MLXIP: variants seen among roughly 807,000 people sequenced by gnomAD.
MLXIP encodes the protein MLX interacting protein, also known as MLX-interacting protein.
Under a neutral mutation model 87.2 loss-of-function variants are expected in MLXIP, and 30 were observed. That is an observed-to-expected ratio of 0.34 (90% CI 0.26 to 0.47). The LOEUF (loss-of-function observed/expected upper bound fraction) is 0.47. Among genes scored for constraint, MLXIP ranks in the 20% least tolerant of loss-of-function variants. The pLI, the probability that MLXIP is intolerant of heterozygous loss-of-function variation, is 1.00. For synonymous variants in MLXIP, 530 were observed against 514.0 expected (o/e 1.03, Z -0.42); for missense variants, 1,002 against 1,240.1 (o/e 0.81, Z 2.88).
intron 8 of MLXIP, chr12:122,132,843 A>T (rs549436470): frequency 1.1e-3 from 193 of 172,588 alleles, no homozygotes; most frequent in African/African-American, 4.4e-3. Flanking sequence ...GACCAGTTAG[A>T]CACTGGTAAC....
chr12:122,104,585 T>C (rs1205442722), intron 1 of MLXIP, among the ~76,000 whole-genome samples: 1 of 143,274 alleles, frequency 7.0e-6, no homozygotes, highest in Non-Finnish European at 1.5e-5. Flanking sequence ...CTTTTTTTTT[T>C]TTTTTTTTTT....
intron 1 of MLXIP, among the ~76,000 whole-genome samples, chr12:122,121,010 GTT>G (rs1233404015): frequency 9.8e-5 from 11 of 111,906 alleles, no homozygotes; most frequent in African/African-American, 2.2e-4. Flanking sequence ...TGCATGCTTG[GTT>G]TTTTTTTTTT....
chr12:122,096,968 A>C (rs1161073689), intron 1 of MLXIP, among the ~76,000 whole-genome samples: 1 of 152,216 alleles, frequency 6.6e-6, no homozygotes, highest in Non-Finnish European at 1.5e-5. Context: ...TGGAAGGAAG[A>C]GCTGACTCAA....
chr12:122,123,113 C>T (rs1281771604), intron 1 of MLXIP, among the ~76,000 whole-genome samples: 3 of 152,180 alleles, frequency 2.0e-5, no homozygotes, highest in Admixed American at 6.5e-5. Flanking sequence ...AGCCTAACAG[C>T]TCTGCCAGGC....
chr12:122,116,013 T>C (rs1952684800), intron 1 of MLXIP, among the ~76,000 whole-genome samples: 1 of 151,568 alleles, frequency 6.6e-6, no homozygotes, highest in South Asian at 2.1e-4. Context: ...ATCATGCTGC[T>C]GCAATCCAGC....
intron 9 of MLXIP, chr12:122,134,912 G>C (rs1171378213): frequency 2.8e-6 from 1 of 358,700 alleles, no homozygotes; most frequent in East Asian, 7.3e-5. Flanking sequence ...GACCTCTGGT[G>C]ATCCACCTGC....
intron 7 of MLXIP, among the ~76,000 whole-genome samples, chr12:122,131,845 G>T (rs915491723): frequency 2.0e-5 from 3 of 149,434 alleles, no homozygotes; most frequent in African/African-American, 7.4e-5. Flanking sequence ...CGATCCTTCC[G>T]CTTCAGCCTC....
chr12:122,103,212 T>C (rs1367880769), intron 1 of MLXIP, among the ~76,000 whole-genome samples: 1 of 47,030 alleles, frequency 2.1e-5, no homozygotes, highest in South Asian at 6.5e-4. Flanking sequence ...TTTATTTATT[T>C]ATTTATTTAT....
chr12:122,101,201 T>G (rs1377854883), intron 1 of MLXIP, among the ~76,000 whole-genome samples: 2 of 152,210 alleles, frequency 1.3e-5, no homozygotes, highest in Non-Finnish European at 2.9e-5. Context: ...GTTCTTTTCC[T>G]TCCTCCTCCC....
intron 1 of MLXIP, among the ~76,000 whole-genome samples, chr12:122,123,119 C>G (rs1952810978): frequency 6.6e-6 from 1 of 152,166 alleles, no homozygotes. Flanking sequence ...ACAGCTCTGC[C>G]AGGCCCATCA....
rs926467084 is a variant in MLXIP, at chr12:122,142,030, T to C, written c.*218T>C. 5.6e-5 allele frequency: 39 copies of C among 693,500 alleles called. No homozygotes were observed. In the African/African-American group the frequency reaches 5.6e-4, roughly 10 times the overall value. 43.0% of individuals were successfully genotyped at this position (693,500 alleles called of 1,614,324 possible). A position where few individuals can be genotyped will look rare whatever the true frequency, so the allele number is the denominator to read the frequency against. Reference sequence around the variant, plus strand: ...CCTTTGGGAACCCCTTGCTGTGAACTCTCTCACTCAGTGACCTCAGTCACC... The same window carrying C: ...CCTTTGGGAACCCCTTGCTGTGAACCCTCTCACTCAGTGACCTCAGTCACC... On this transcript the variant is annotated 3_prime_UTR_variant, in exon 17 of 17. Transcript: ENST00000319080.
intron 1 of MLXIP, among the ~76,000 whole-genome samples, chr12:122,095,649 T>G (rs1218012724): frequency 1.3e-5 from 2 of 151,904 alleles, no homozygotes; most frequent in Non-Finnish European, 2.9e-5. Context: ...TATAGTTTTT[T>G]TTTTACATTT....
intron 1 of MLXIP, among the ~76,000 whole-genome samples, chr12:122,086,476 T>G (rs1253495026): frequency 6.6e-6 from 1 of 152,188 alleles, no homozygotes; most frequent in Non-Finnish European, 1.5e-5. Context: ...ATAGAAGTGT[T>G]GTAGAAAGTT....
intron 1 of MLXIP, among the ~76,000 whole-genome samples, chr12:122,116,637 C>G (rs538921702): frequency 6.6e-6 from 1 of 152,330 alleles, no homozygotes; most frequent in African/African-American, 2.4e-5. Flanking sequence ...GCCCCTGCCC[C>G]TGCCTGAAAG....
intron 5 of MLXIP, 58 bp from the exon 6 acceptor site, chr12:122,129,883 A>C: frequency 1.3e-6 from 2 of 1,560,672 alleles, no homozygotes; most frequent in Non-Finnish European, 1.7e-6. Flanking sequence ...AGGCGTGGGA[A>C]TTCTTCGTCC....
chr12:122,130,289 C>T lies in MLXIP; in HGVS notation c.910+177C>T, dbSNP rs1020412345. On this transcript the variant is annotated intron_variant, in intron 6 of 16. Coordinates refer to ENST00000319080, the MANE Select transcript of MLXIP (RefSeq NM_014938.6). ...CATTTGACATCCAGGCCGCACGTAC[C>T]GAGTGGGTGGGGTCTGCAGAGTGGG... The T allele has an allele frequency of 1.7e-5, 4 of 232,370 alleles. No homozygotes were observed. The Admixed American group carries it at 2.0e-4, about 11-fold the overall frequency. The allele number at this position is 232,370 out of a possible 1,614,324, so 14.4% of individuals were successfully genotyped here.
chr12:122,092,503 C>T (rs1019252084), intron 1 of MLXIP, among the ~76,000 whole-genome samples: 1 of 152,130 alleles, frequency 6.6e-6, no homozygotes, highest in Non-Finnish European at 1.5e-5. Context: ...CTAAGACTGC[C>T]TGGTACACCC....
intron 1 of MLXIP, among the ~76,000 whole-genome samples, chr12:122,110,914 A>G (rs967305876): frequency 2.0e-5 from 3 of 151,904 alleles, no homozygotes; most frequent in African/African-American, 2.4e-5. Flanking sequence ...CGTCTCTACT[A>G]AAAATACAAA....
intron 1 of MLXIP, among the ~76,000 whole-genome samples, chr12:122,093,430 G>A (rs1952280142): frequency 1.4e-5 from 2 of 144,162 alleles, no homozygotes; most frequent in South Asian, 4.6e-4. Flanking sequence ...TTATATGTGG[G>A]GTGTGTGTGT....
Sources: gnomAD v4.1 joint callset for allele counts (sites outside exome capture counted in the v4.1 genomes callset) on GRCh38, gnomAD v4.1.1 for gene constraint, MANE v1.5 for transcripts, NCBI Gene and HGNC (gene_info 2026-07-23, HGNC 2026-07-21) for gene names.